Variants in PCDHGB1 observed in about 807,000 individuals in gnomAD.
PCDHGB1 encodes protocadherin gamma-B1.
PCDHGB1 carries 34 observed loss-of-function variants against 56.6 expected under a neutral mutation model. That is an observed-to-expected ratio of 0.60 (90% CI 0.46 to 0.80). PCDHGB1 has a LOEUF of 0.80. Among genes scored for constraint, PCDHGB1 ranks in the 30% least tolerant of loss-of-function variants. The probability of loss-of-function intolerance (pLI) is 0.00; values close to 1 mark genes in which losing one functional copy is unlikely to be tolerated. For synonymous variants in PCDHGB1, 561 were observed against 505.9 expected, an observed-to-expected ratio of 1.11 and a Z score of -1.46; for missense variants, 1,278 against 1,204.6, an observed-to-expected ratio of 1.06 and a Z score of -0.90.
At chr5:141,423,354 C>A in intron 1 of PCDHGB1, 1 of 1,614,202 alleles carries the variant, frequency 6.2e-7, no homozygotes. Context: ...TGGTCTTTGT[C>A]ATCGTGCTGC....
intron 2 of PCDHGB1, among the ~76,000 whole-genome samples, chr5:141,497,621 C>T (rs769483223): frequency 7.3e-5 from 11 of 151,482 alleles, no homozygotes; most frequent in Non-Finnish European, 1.3e-4. Flanking sequence ...CTCACTGCAA[C>T]CTCTGCCTGC....
rs761843990 is a variant in PCDHGB1, at chr5:141,356,810, G to A, written c.2409+4141G>A. The stretch of plus-strand genomic sequence containing the variant: ...CAGCTGCTGATGACAGCCAGTGACA[G>A]TGGAGACCCTCCACTCAGCAGCAAT... On this transcript the variant is annotated intron_variant, in intron 1 of 3. Coordinates refer to ENST00000523390, the MANE Select transcript of PCDHGB1 (RefSeq NM_018922.3). 5.0e-6 allele frequency: 8 copies of A among 1,614,074 alleles called. No individual in the cohort carries two copies. The East Asian group carries it at 1.8e-4, about 36-fold the overall frequency.
intron 1 of PCDHGB1, chr5:141,414,381 T>A: frequency 6.2e-7 from 1 of 1,613,866 alleles, no homozygotes. Context: ...AAAAGTCCAT[T>A]GACAGTTATT....
chr5:141,405,433 T>A, intron 1 of PCDHGB1: 1 of 1,471,752 alleles, frequency 6.8e-7, no homozygotes, highest in Non-Finnish European at 9.3e-7. Flanking sequence ...TTTTGTTTTG[T>A]TTTTGAGACA....
chr5:141,384,557 T>C (rs2150262452), intron 1 of PCDHGB1: 2 of 1,614,252 alleles, frequency 1.2e-6, no homozygotes, highest in Middle Eastern at 3.3e-4. Flanking sequence ...CTGTTCGTGC[T>C]GGACCAGAAT....
In PCDHGB1 at chr5:141,350,684, T is replaced by A; in HGVS notation, c.424T>A (p.Ser142Thr). 1 of 1,613,968 alleles carries A rather than the reference T, an allele frequency of 6.2e-7. No individual in the cohort carries two copies. Among genetic ancestry groups the A allele is most frequent in the South Asian group, 1.1e-5 (1 of 91,086 alleles). ...AGGCATTGACTTAGAAATTTGTGAGTCAGCCTTACCCGGGGTAAAATTCTC... is the reference window on the plus strand; with the variant it reads ...AGGCATTGACTTAGAAATTTGTGAGACAGCCTTACCCGGGGTAAAATTCTC... ...AKGIDLEICE[S>T]ALPGVKFSLD... Residue 142 changes from serine (S) to threonine (T), a missense_variant, in exon 1 of 4, where the codon TCA becomes ACA. Physicochemically the swap from Ser to Thr is moderately conservative, Grantham distance 58. Transcript: ENST00000523390.
Position 141,423,964 on chromosome 5 carries a change from A to G in PCDHGB1, c.2410-70843A>G, listed in dbSNP as rs569611136. On this transcript the variant is annotated intron_variant, in intron 1 of 3. Coordinates refer to ENST00000523390, the MANE Select transcript of PCDHGB1 (RefSeq NM_018922.3). ...AGTTGAATTTTAGTATTATTTTTCT[A>G]TTATCAGTGTATGAGGCTCTCAATT... The G allele has an allele frequency of 5.2e-5, 61 of 1,163,648 alleles. 2 individuals carry two copies. In the South Asian group the frequency reaches 1.7e-3, roughly 32 times the overall value. 72.1% of individuals were successfully genotyped at this position (1,163,648 alleles called of 1,614,324 possible).
At position 141,431,735 on chromosome 5, in the gene PCDHGB1, G is replaced by A. The variant is rs2097411908; in HGVS notation, c.2410-63072G>A. 1.2e-6 allele frequency: 2 copies of A among 1,614,118 alleles called. No homozygotes were observed. Among genetic ancestry groups the A allele is most frequent in the Non-Finnish European group, 1.7e-6 (2 of 1,180,056 alleles). On this transcript the variant is annotated intron_variant, in intron 1 of 3. Transcript: ENST00000523390. The surrounding 1 kb of genome is among the most constrained non-coding windows in gnomAD (Gnocchi z 4.8). ...GGAAGTGCAAGCAATGGATAATGCAGGATATTCTGCGCGAGCCAAAGTCCT... is the reference window on the plus strand; with the variant it reads ...GGAAGTGCAAGCAATGGATAATGCAAGATATTCTGCGCGAGCCAAAGTCCT...
At chr5:141,418,815 T>A in intron 1 of PCDHGB1, 1 of 1,613,864 alleles carries the variant, frequency 6.2e-7, no homozygotes, top group East Asian at 2.2e-5. Flanking sequence ...ACGATAAACA[T>A]AGAAGCAAAA....
intron 1 of PCDHGB1, chr5:141,371,392 T>A (rs1767716213): frequency 6.2e-7 from 1 of 1,613,846 alleles, no homozygotes; most frequent in African/African-American, 1.3e-5. Flanking sequence ...TATTGTAAAG[T>A]ACAGATAGAT....
chr5:141,505,072 G>A (rs1374916789), intron 2 of PCDHGB1, among the ~76,000 whole-genome samples: 1 of 152,228 alleles, frequency 6.6e-6, no homozygotes. Context: ...TGAGGCAGGA[G>A]AATCGCTTGA....
At chr5:141,372,516 A>C in intron 1 of PCDHGB1, 1 of 1,613,902 alleles carries the variant, frequency 6.2e-7, no homozygotes, top group Non-Finnish European at 8.5e-7. Context: ...CCTCGCGGTG[A>C]TTCTGGCAAT....
chr5:141,384,897 C>A, intron 1 of PCDHGB1: 1 of 1,613,922 alleles, frequency 6.2e-7, no homozygotes, highest in Non-Finnish European at 8.5e-7. Flanking sequence ...CTGTGGCTGA[C>A]AGCATCCCCG....
intron 1 of PCDHGB1, chr5:141,409,619 C>A: frequency 6.2e-7 from 1 of 1,613,898 alleles, no homozygotes; most frequent in Non-Finnish European, 8.5e-7. Flanking sequence ...CTCCATTGCG[C>A]AAGTGAGCGC....
chr5:141,361,410 C>A (rs759239364), intron 1 of PCDHGB1: 2 of 1,614,052 alleles, frequency 1.2e-6, no homozygotes, highest in South Asian at 2.2e-5. Flanking sequence ...TCACAGCCAC[C>A]GACGGGGGCA....
intron 1 of PCDHGB1, chr5:141,408,586 C>G: frequency 6.2e-7 from 1 of 1,613,976 alleles, no homozygotes; most frequent in Non-Finnish European, 8.5e-7. Context: ...ATGTTAATGA[C>G]CACGCCCCTC....
At chr5:141,501,628 C>T (rs1217355708) in intron 2 of PCDHGB1, among the ~76,000 whole-genome samples, 1 of 152,112 alleles carries the variant, frequency 6.6e-6, no homozygotes, top group Non-Finnish European at 1.5e-5. Flanking sequence ...TATAGTCTCT[C>T]AACCTCTCTG....
At chr5:141,363,138 T>C (rs1359700757) in intron 1 of PCDHGB1, among the ~76,000 whole-genome samples, 1 of 152,214 alleles carries the variant, frequency 6.6e-6, no homozygotes, top group Non-Finnish European at 1.5e-5. Flanking sequence ...AAAGAGTGCA[T>C]TTAACAAATG....
intron 1 of PCDHGB1, among the ~76,000 whole-genome samples, chr5:141,464,404 T>G (rs1224596546): frequency 6.6e-6 from 1 of 151,532 alleles, no homozygotes; most frequent in African/African-American, 2.4e-5. Flanking sequence ...GAACCTGAGA[T>G]ATATATATAT....
Sources: allele counts gnomAD v4.1 joint callset (sites outside exome capture counted in the v4.1 genomes callset), GRCh38; gene constraint gnomAD v4.1.1; non-coding constraint Gnocchi (gnomAD v3.1); transcripts MANE v1.5; gene names NCBI Gene and HGNC (gene_info 2026-07-23, HGNC 2026-07-21).